CPLX1: variants seen among roughly 807,000 people sequenced by gnomAD.
CPLX1 encodes complexin-1.
A neutral mutation model predicts 15.6 loss-of-function variants in CPLX1; 6 were observed. The ratio of observed to expected loss-of-function variants is 0.39; its 90% CI spans 0.21 to 0.76. CPLX1 has a LOEUF of 0.76. Ranked by LOEUF, CPLX1 falls within the 30% of genes least tolerant of loss-of-function variation. The pLI, the probability that CPLX1 is intolerant of heterozygous loss-of-function variation, is 0.43. For missense variants in CPLX1, 242 were observed against 188.6 expected, an observed-to-expected ratio of 1.28 and a Z score of -1.66; for synonymous variants, 91 against 75.2, an observed-to-expected ratio of 1.21 and a Z score of -1.08.
intron 3 of CPLX1, chr4:787,570 G>A: frequency 1.4e-6 from 1 of 691,960 alleles, no homozygotes; most frequent in South Asian, 6.5e-5. Context: ...GATGGGGGCG[G>A]GCATACGAAA....
At chr4:819,465 G>T (rs529849002) in intron 2 of CPLX1, among the ~76,000 whole-genome samples, 1 of 152,358 alleles carries the variant, frequency 6.6e-6, no homozygotes, top group East Asian at 1.9e-4. Context: ...CGACCACACG[G>T]CGTTTGTGAA....
In CPLX1 at chr4:824,572, C is replaced by T. The variant is rs148651183; in HGVS notation, c.-50G>A. Reference sequence around the variant, plus strand: ...GCTCCTCCAGGGGTCAGAACTCACACGCAAGTATGGCCGGGAGCGAGTGTT... The same window carrying T: ...GCTCCTCCAGGGGTCAGAACTCACATGCAAGTATGGCCGGGAGCGAGTGTT... On this transcript the variant is annotated 5_prime_UTR_variant, in exon 2 of 4. It adds an upstream start codon to the 5' untranslated region. Transcript: ENST00000304062. 3.8e-4 allele frequency: 608 copies of T among 1,599,508 alleles called. 11 individuals are homozygous for T. In the South Asian group the frequency reaches 6.2e-3, roughly 16 times the overall value.
intron 2 of CPLX1, among the ~76,000 whole-genome samples, chr4:813,264 CAAAAAA>C (rs397881229): frequency 6.4e-5 from 6 of 93,100 alleles, no homozygotes; most frequent in South Asian, 6.9e-4. Context: ...GACTCTGTCT[CAAAAAA>C]AAAAAAAAAA....
chr4:790,167 C>CG (rs1165373955), intron 3 of CPLX1, among the ~76,000 whole-genome samples: 4 of 152,316 alleles, frequency 2.6e-5, no homozygotes, highest in African/African-American at 7.2e-5. Context: ...ACGTGGGGTC[C>CG]GGGGGGATCC....
intron 2 of CPLX1, among the ~76,000 whole-genome samples, chr4:815,302 T>C (rs1746730976): frequency 6.7e-6 from 1 of 149,520 alleles, no homozygotes. Flanking sequence ...TCCCAGCTAC[T>C]CGAGAGGCCG....
intron 3 of CPLX1, among the ~76,000 whole-genome samples, chr4:790,846 C>G (rs548003308): frequency 1.3e-4 from 20 of 152,170 alleles, no homozygotes; most frequent in Middle Eastern, 6.8e-3. Context: ...TCTCTGTTCC[C>G]TGTGTCTCGG....
At chr4:802,237 G>A (rs1746473161) in intron 2 of CPLX1, among the ~76,000 whole-genome samples, 1 of 152,222 alleles carries the variant, frequency 6.6e-6, no homozygotes, top group Non-Finnish European at 1.5e-5. Context: ...ATGAATTGCT[G>A]ATACACCAAA....
intron 2 of CPLX1, among the ~76,000 whole-genome samples, chr4:802,986 G>A (rs1443421784): frequency 2.6e-5 from 4 of 151,324 alleles, no homozygotes; most frequent in African/African-American, 9.7e-5. Context: ...AAGCATGAAA[G>A]ATAAACACTA....
intron 2 of CPLX1, among the ~76,000 whole-genome samples, chr4:816,442 A>T (rs1746757696): frequency 6.6e-6 from 1 of 150,478 alleles, no homozygotes. Context: ...CTGGTCTTGA[A>T]CTCCTGACCT....
chr4:818,291 G>C (rs1408258907), intron 2 of CPLX1, among the ~76,000 whole-genome samples: 1 of 152,204 alleles, frequency 6.6e-6, no homozygotes, highest in Non-Finnish European at 1.5e-5. Flanking sequence ...ACACCCAGGG[G>C]CCCTGGGCCT....
At chr4:819,881 G>A (rs1196759446) in intron 2 of CPLX1, among the ~76,000 whole-genome samples, 1 of 152,214 alleles carries the variant, frequency 6.6e-6, no homozygotes, top group Non-Finnish European at 1.5e-5. Flanking sequence ...AGGAGCAGCT[G>A]AGCATGAAAG....
intron 2 of CPLX1, among the ~76,000 whole-genome samples, chr4:806,961 A>G (rs1022529610): frequency 2.6e-5 from 4 of 152,240 alleles, no homozygotes; most frequent in Admixed American, 2.0e-4. Context: ...TTGACTCAGC[A>G]ATCCCATTAC....
chr4:825,359 C>T (rs1477296798), intron 1 of CPLX1, among the ~76,000 whole-genome samples: 1 of 152,190 alleles, frequency 6.6e-6, no homozygotes, highest in Non-Finnish European at 1.5e-5. Flanking sequence ...GACGGTTCAC[C>T]CCTCGCCCTC....
At chr4:794,455 G>C (rs375829365) in intron 2 of CPLX1, among the ~76,000 whole-genome samples, 3 of 152,208 alleles carry the variant, frequency 2.0e-5, no homozygotes, top group African/African-American at 7.2e-5. Context: ...GTTTTCAGCC[G>C]CATCTGCCAT....
At chr4:787,810 G>C in intron 3 of CPLX1, 1 of 985,404 alleles carries the variant, frequency 1.0e-6, no homozygotes, top group Non-Finnish European at 1.2e-6. Context: ...AGCCCAGGAA[G>C]CCTGTGGTCA....
At chr4:788,923 C>A (rs955296453) in intron 3 of CPLX1, among the ~76,000 whole-genome samples, 2 of 152,216 alleles carry the variant, frequency 1.3e-5, no homozygotes, top group Admixed American at 1.3e-4. Flanking sequence ...AGCAAAGGAA[C>A]CTCCCAGGTC....
chr4:808,482 A>G (rs921787325), intron 2 of CPLX1, among the ~76,000 whole-genome samples: 5 of 152,196 alleles, frequency 3.3e-5, no homozygotes, highest in Admixed American at 2.0e-4. Context: ...CCTCACTCCA[A>G]TTGCCACAGA....
chr4:813,985 C>CA (rs1305706074), intron 2 of CPLX1, among the ~76,000 whole-genome samples: 4 of 152,214 alleles, frequency 2.6e-5, no homozygotes, highest in Non-Finnish European at 2.9e-5. Flanking sequence ...GAGCTTGTAA[C>CA]AAAATGACAC....
intron 3 of CPLX1, chr4:787,788 C>T: frequency 1.0e-6 from 1 of 985,392 alleles, no homozygotes; most frequent in Non-Finnish European, 1.2e-6. Context: ...TCCAGCCCTC[C>T]CGTGAGCCAC....
Sources: gnomAD v4.1 joint callset for allele counts (sites outside exome capture counted in the v4.1 genomes callset) on GRCh38, gnomAD v4.1.1 for gene constraint, MANE v1.5 for transcripts, NCBI Gene and HGNC (gene_info 2026-07-23, HGNC 2026-07-21) for gene names.